ATP8A1: variants seen among roughly 807,000 people sequenced by gnomAD.
The protein encoded by ATP8A1 is phospholipid-transporting ATPase IA.
ATP8A1 carries 90 observed loss-of-function variants against 177.7 expected under a neutral mutation model. That is an observed-to-expected ratio of 0.51 (90% CI 0.43 to 0.60). The LOEUF is 0.60. Ranked by LOEUF, ATP8A1 falls within the 20% of genes least tolerant of loss-of-function variation. The pLI is 0.00. For synonymous variants in ATP8A1, 493 were observed against 485.9 expected (o/e 1.01, Z -0.19); for missense variants, 1,072 against 1,392.8 (o/e 0.77, Z 3.67).
chr4:42,545,695 C>T (rs539554268), intron 19 of ATP8A1, among the ~76,000 whole-genome samples: 12 of 152,072 alleles, frequency 7.9e-5, no homozygotes, highest in Admixed American at 6.5e-4. Flanking sequence ...CCTTTTTGCC[C>T]GGGTATGGTG....
chr4:42,544,652 G>A (rs1383538405), intron 19 of ATP8A1, among the ~76,000 whole-genome samples: 1 of 152,194 alleles, frequency 6.6e-6, no homozygotes, highest in Non-Finnish European at 1.5e-5. Flanking sequence ...AACACTGAAT[G>A]GAAGAAACTG....
chr4:42,645,401 A>G (rs1226319974), intron 1 of ATP8A1, among the ~76,000 whole-genome samples: 1 of 152,184 alleles, frequency 6.6e-6, no homozygotes, highest in Non-Finnish European at 1.5e-5. Context: ...ATATAGTTGT[A>G]TACAATTTAT....
chr4:42,593,489 C>T (rs1467140597), intron 6 of ATP8A1, among the ~76,000 whole-genome samples: 1 of 151,724 alleles, frequency 6.6e-6, no homozygotes, highest in African/African-American at 2.4e-5. Context: ...TTAAGTTTCG[C>T]TAACTTGTCA....
At chr4:42,604,724 T>C (rs1280746643) in intron 5 of ATP8A1, among the ~76,000 whole-genome samples, 1 of 152,234 alleles carries the variant, frequency 6.6e-6, no homozygotes, top group Non-Finnish European at 1.5e-5. Flanking sequence ...AACTTGTATA[T>C]GAATGTTCAC....
intron 33 of ATP8A1, among the ~76,000 whole-genome samples, chr4:42,433,626 G>T (rs1370968220): frequency 1.3e-5 from 2 of 150,918 alleles, no homozygotes; most frequent in Non-Finnish European, 2.9e-5. Context: ...CTTGGCTTGG[G>T]TTATCCCAAA....
At chr4:42,654,518 C>G (rs1741431910) in intron 1 of ATP8A1, among the ~76,000 whole-genome samples, 1 of 152,148 alleles carries the variant, frequency 6.6e-6, no homozygotes. Flanking sequence ...TCTGTGTCTG[C>G]CCATCCATTC....
rs185942550 is a variant in ATP8A1 at position 42,547,311 on chromosome 4, A to G, written c.1652+1702T>C. Reference sequence around the variant, plus strand: ...AAAGTCTCTCAGATATTCCTCTACAAGGTACACGGATTCTATTAACTTCCT... The same window carrying G: ...AAAGTCTCTCAGATATTCCTCTACAGGGTACACGGATTCTATTAACTTCCT... On this transcript the variant is annotated intron_variant, in intron 19 of 36. Transcript: ENST00000381668. Among the ~76,000 whole-genome samples the G allele has an allele frequency of 1.6e-3, 244 of 152,300 alleles. 1 individual carries two copies. Among genetic ancestry groups the G allele is most frequent in the African/African-American group, 5.5e-3 (230 of 41,558 alleles).
intron 19 of ATP8A1, among the ~76,000 whole-genome samples, chr4:42,544,880 G>A (rs1414242446): frequency 6.6e-6 from 1 of 152,080 alleles, no homozygotes; most frequent in African/African-American, 2.4e-5. Flanking sequence ...TTCAGTTCCC[G>A]GCCTGGCACG....
chr4:42,427,771 C>T (rs1187805894), intron 33 of ATP8A1, among the ~76,000 whole-genome samples: 2 of 152,216 alleles, frequency 1.3e-5, no homozygotes, highest in African/African-American at 4.8e-5. Flanking sequence ...TGGCAGCATC[C>T]TCTTGGAGAG....
chr4:42,615,681 T>C (rs1236594966), intron 5 of ATP8A1, among the ~76,000 whole-genome samples: 3 of 152,242 alleles, frequency 2.0e-5, no homozygotes, highest in Non-Finnish European at 4.4e-5. Flanking sequence ...ATGTGATTAT[T>C]TTCTATACAT....
chr4:42,425,780 G>A (rs1714543520), intron 33 of ATP8A1, among the ~76,000 whole-genome samples: 1 of 151,638 alleles, frequency 6.6e-6, no homozygotes, highest in South Asian at 2.1e-4. Flanking sequence ...CTCCGAGAGC[G>A]GTTTGCAAAT....
intron 5 of ATP8A1, among the ~76,000 whole-genome samples, chr4:42,607,158 G>T (rs1480022202): frequency 6.6e-6 from 1 of 152,124 alleles, no homozygotes; most frequent in African/African-American, 2.4e-5. Context: ...GTGCTGGTAG[G>T]CTCCCTAGAA....
At chr4:42,485,347 C>A in intron 25 of ATP8A1, 149 bp downstream of exon 25, 2 of 577,826 alleles carry the variant, frequency 3.5e-6, no homozygotes, top group Non-Finnish European at 5.5e-6. Flanking sequence ...AAATTCCATC[C>A]CAGTTTGTGA....
At chr4:42,589,912 T>A (rs1733990401) in intron 7 of ATP8A1, among the ~76,000 whole-genome samples, 1 of 151,950 alleles carries the variant, frequency 6.6e-6, no homozygotes, top group South Asian at 2.1e-4. Context: ...AGTTAGGAAG[T>A]TCAAATGGCT....
rs190932182 is a variant in ATP8A1, at chr4:42,524,322, C to T, written c.1807+441G>A. 2.1e-3 allele frequency among the ~76,000 whole-genome samples: 322 copies of T among 151,964 alleles called. 1 individual carries two copies. Among genetic ancestry groups the T allele is most frequent in the Admixed American group, 9.5e-3 (145 of 15,254 alleles). On this transcript the variant is annotated intron_variant, in intron 21 of 36. Transcript: ENST00000381668. ...AATTGAATAACAATTTTAATAGTTA[C>T]GTAAGTTTTTAATAGAAAGTCCTGA...
At chr4:42,604,079 G>A (rs1029263392) in intron 5 of ATP8A1, among the ~76,000 whole-genome samples, 1 of 152,104 alleles carries the variant, frequency 6.6e-6, no homozygotes, top group Non-Finnish European at 1.5e-5. Flanking sequence ...AGCGCACCAT[G>A]CTCTCTGCTG....
intron 9 of ATP8A1, among the ~76,000 whole-genome samples, chr4:42,584,256 A>T (rs1433863737): frequency 6.6e-6 from 1 of 152,002 alleles, no homozygotes; most frequent in African/African-American, 2.4e-5. Context: ...GGAAGCAGGG[A>T]AAGAAGGGAA....
In ATP8A1 at chr4:42,549,002, A is replaced by C. The variant is rs1232157096; in HGVS notation, c.1652+11T>G. 6.2e-7 allele frequency: 1 copy of C among 1,600,966 alleles called. No homozygotes were observed. The highest frequency in any genetic ancestry group is 1.7e-5 in the Admixed American group (1 of 58,810). On this transcript the variant is annotated intron_variant, in intron 19 of 36. Transcript: ENST00000381668. ...ATCTTATCCATACAAATCACTGAGCAGATGTTTTACCTGGTAAACTCCAAG... is the reference window on the plus strand; with the variant it reads ...ATCTTATCCATACAAATCACTGAGCCGATGTTTTACCTGGTAAACTCCAAG...
chr4:42,654,032 T>C (rs1741382171), intron 1 of ATP8A1, among the ~76,000 whole-genome samples: 1 of 152,188 alleles, frequency 6.6e-6, no homozygotes, highest in Non-Finnish European at 1.5e-5. Context: ...ATTACATTCT[T>C]GTCAGAAATG....
Sources: gnomAD v4.1 joint callset for allele counts (sites outside exome capture counted in the v4.1 genomes callset) on GRCh38, gnomAD v4.1.1 for gene constraint, MANE v1.5 for transcripts, NCBI Gene and HGNC (gene_info 2026-07-23, HGNC 2026-07-21) for gene names.